CNRIP1: variants seen among roughly 807,000 people sequenced by gnomAD.
CNRIP1 encodes the protein cannabinoid receptor interacting protein 1.
Under a neutral mutation model 15.2 loss-of-function variants are expected in CNRIP1, and 10 were observed. The ratio of observed to expected loss-of-function variants is 0.66; its 90% CI spans 0.41 to 1.12. CNRIP1 has a LOEUF of 1.12. Ranked by LOEUF, CNRIP1 falls within the 50% of genes most tolerant of loss-of-function variation. CNRIP1 has a pLI of 0.00. For synonymous variants in CNRIP1, 91 were observed against 83.2 expected (o/e 1.09, Z -0.51); for missense variants, 211 against 214.7 (o/e 0.98, Z 0.11).
chr2:68,307,496 T>C (rs1049221749), intron 2 of CNRIP1, among the ~76,000 whole-genome samples: 10 of 152,276 alleles, frequency 6.6e-5, no homozygotes, highest in Middle Eastern at 3.4e-3. Flanking sequence ...TCATTTTTTA[T>C]TTTTTATTTT....
chr2:68,294,618 T>C (rs1671281301), intron 2 of CNRIP1, among the ~76,000 whole-genome samples: 1 of 152,220 alleles, frequency 6.6e-6, no homozygotes, highest in Non-Finnish European at 1.5e-5. Context: ...CTGTCTACAA[T>C]ACATCTACAT....
intron 1 of CNRIP1, among the ~76,000 whole-genome samples, chr2:68,318,889 G>A (rs1231397788): frequency 6.6e-6 from 1 of 152,220 alleles, no homozygotes; most frequent in Non-Finnish European, 1.5e-5. Context: ...GCTCCACCCC[G>A]ACCGCCTGCG....
At chr2:68,305,270 A>ATGTGTGTG (rs1367890101) in intron 2 of CNRIP1, among the ~76,000 whole-genome samples, 59 of 98,604 alleles carry the variant, frequency 6.0e-4, no homozygotes, top group African/African-American at 2.0e-3. Context: ...ATATATATAT[A>ATGTGTGTG]TATATGTGTG....
At chr2:68,290,557 GA>G (rs916840323), downstream of CNRIP1, among the ~76,000 whole-genome samples, 2 of 150,444 alleles carry the variant, frequency 1.3e-5, no homozygotes, top group South Asian at 4.2e-4. Context: ...TGTCCTCTCT[GA>G]AAAAAAAAGA....
intron 2 of CNRIP1, among the ~76,000 whole-genome samples, chr2:68,294,281 T>A (rs1211634121): frequency 6.6e-6 from 1 of 152,246 alleles, no homozygotes; most frequent in Non-Finnish European, 1.5e-5. Flanking sequence ...CCACTCGCTA[T>A]CATATTGCTT....
At chr2:68,316,990 T>C (rs1672295048) in intron 2 of CNRIP1, 167 bp downstream of exon 2, 2 of 812,852 alleles carry the variant, frequency 2.5e-6, no homozygotes, top group Non-Finnish European at 4.3e-6. Flanking sequence ...AGAGCATTAA[T>C]TAAGTAGTTC....
intron 2 of CNRIP1, among the ~76,000 whole-genome samples, chr2:68,295,347 A>G (rs1433489742): frequency 6.6e-6 from 1 of 152,172 alleles, no homozygotes; most frequent in African/African-American, 2.4e-5. Flanking sequence ...TCCTCTGGGA[A>G]ATTTGCTTGA....
chr2:68,303,065 T>A (rs531559502), intron 2 of CNRIP1, among the ~76,000 whole-genome samples: 1 of 151,186 alleles, frequency 6.6e-6, no homozygotes, highest in East Asian at 2.0e-4. Flanking sequence ...GCCAGGATGG[T>A]CTCGATCTCC....
At chr2:68,310,712 T>TA (rs34235316) in intron 2 of CNRIP1, among the ~76,000 whole-genome samples, 12,560 of 144,906 alleles carry the variant, frequency 0.087, 1,566 homozygotes, top group African/African-American at 0.28. Context: ...TGACCCATAT[T>TA]AAAAAAAAAA....
chr2:68,293,846 T>G lies in CNRIP1; in HGVS notation c.*16A>C, dbSNP rs1476786969. ...TTTCTGAAAAGATTGTCCAGTAGCATCAGAAAGAGCCACTTTCAGAGGAAG... is the reference window on the plus strand; with the variant it reads ...TTTCTGAAAAGATTGTCCAGTAGCAGCAGAAAGAGCCACTTTCAGAGGAAG... On this transcript the variant is annotated 3_prime_UTR_variant, in exon 3 of 3. Transcript: ENST00000263655. 1 of 1,611,192 alleles carries G rather than the reference T, an allele frequency of 6.2e-7. No individual in the cohort carries two copies.
chr2:68,293,312 A>G lies in CNRIP1; in HGVS notation c.*550T>C, dbSNP rs1274115928. The G allele has an allele frequency of 1.0e-6, 1 of 985,848 alleles. No individual in the cohort carries two copies. Among genetic ancestry groups the G allele is most frequent in the Non-Finnish European group, 1.2e-6 (1 of 830,300 alleles). 61.1% of individuals were successfully genotyped at this position (985,848 alleles called of 1,614,324 possible). A position where few individuals can be genotyped will look rare whatever the true frequency, so the allele number is the denominator to read the frequency against. On this transcript the variant is annotated 3_prime_UTR_variant, in exon 3 of 3. Coordinates refer to ENST00000263655, the MANE Select transcript of CNRIP1 (RefSeq NM_015463.3). ...TCTAGTTTGTTACCATCCTTCCCTG[A>G]AAGAGCGGAGCTGTTTATAGGAAGC... is the stretch of plus-strand genomic sequence containing the variant.
At chr2:68,286,027 A>C (rs557256630) in intron 2 of CNRIP1, among the ~76,000 whole-genome samples, 11 of 152,312 alleles carry the variant, frequency 7.2e-5, no homozygotes, top group African/African-American at 2.6e-4. Context: ...GGTGAGGACA[A>C]ATTCCCATTA....
chr2:68,308,234 C>A (rs11893966), intron 2 of CNRIP1, among the ~76,000 whole-genome samples: 114,335 of 151,772 alleles, frequency 0.75, 43,468 homozygotes, highest in South Asian at 0.85. Context: ...ACAAAAAAAA[C>A]CCCCGATGTC....
chr2:68,317,954 A>G (rs1265599759), intron 1 of CNRIP1, among the ~76,000 whole-genome samples: 1 of 152,198 alleles, frequency 6.6e-6, no homozygotes, highest in Non-Finnish European at 1.5e-5. Context: ...ACCAGAAAAA[A>G]TAGTTTTATT....
At chr2:68,307,247 T>A (rs1032656879) in intron 2 of CNRIP1, among the ~76,000 whole-genome samples, 3 of 152,238 alleles carry the variant, frequency 2.0e-5, no homozygotes, top group African/African-American at 7.2e-5. Context: ...GTATGTATTG[T>A]CTAACTACAT....
chr2:68,317,289 A>G lies in CNRIP1; in HGVS notation c.198T>C (p.Gly66=). The stretch of plus-strand genomic sequence containing the variant: ...ACTTCAGTTCCAGTGGGACAAGCAC[A>G]CCACCAATGGAAATATTCCTGCAAT... ...TLQVENISIG[G]VLVPLELKSK... Residue 66 remains glycine (G), a synonymous_variant, in exon 2 of 3, where the codon GGT becomes GGC. Transcript: ENST00000263655. 6.2e-7 allele frequency: 1 copy of G among 1,614,032 alleles called. No individual in the cohort carries two copies. The highest frequency in any genetic ancestry group is 8.5e-7 in the Non-Finnish European group (1 of 1,180,024).
rs72904278 is a variant in CNRIP1, at chr2:68,317,080, G to C, written c.330+77C>G. On this transcript the variant is annotated intron_variant, in intron 2 of 2. Coordinates refer to ENST00000263655, the MANE Select transcript of CNRIP1 (RefSeq NM_015463.3). Reference sequence around the variant, plus strand: ...CTCCCAACACACCTTTTCTTACAGAGAGATAGTGATTGTTTTCTTTTCTGT... The same window carrying C: ...CTCCCAACACACCTTTTCTTACAGACAGATAGTGATTGTTTTCTTTTCTGT... The C allele has an allele frequency of 7.4e-3, 11,511 of 1,551,156 alleles. 705 individuals carry two copies. The African/African-American group carries it at 0.13, about 18-fold the overall frequency.
chr2:68,319,732 C>A lies in CNRIP1; in HGVS notation c.-332G>T, dbSNP rs971899581. Reference sequence around the variant, plus strand: ...TGGCCCGCAGGCCGCCGCGCAGATCCGCGCAGCTGGGGGCGAGGGAGTTAA... The same window carrying A: ...TGGCCCGCAGGCCGCCGCGCAGATCAGCGCAGCTGGGGGCGAGGGAGTTAA... On this transcript the variant is annotated 5_prime_UTR_variant, in exon 1 of 3. Coordinates refer to ENST00000263655, the MANE Select transcript of CNRIP1 (RefSeq NM_015463.3). 1.0e-5 allele frequency: 3 copies of A among 290,878 alleles called. No individual in the cohort carries two copies. Among genetic ancestry groups the A allele is most frequent in the Non-Finnish European group, 2.0e-5 (3 of 153,786 alleles). 18.0% of individuals were successfully genotyped at this position (290,878 alleles called of 1,614,324 possible). A position where few individuals can be genotyped will look rare whatever the true frequency, so the allele number is the denominator to read the frequency against.
At chr2:68,306,878 C>A (rs894628834) in intron 2 of CNRIP1, among the ~76,000 whole-genome samples, 2 of 152,018 alleles carry the variant, frequency 1.3e-5, no homozygotes, top group Non-Finnish European at 2.9e-5. Flanking sequence ...TACAATCACA[C>A]CAAACAGGAC....
Sources: gnomAD v4.1 joint callset for allele counts (sites outside exome capture counted in the v4.1 genomes callset) on GRCh38, gnomAD v4.1.1 for gene constraint, MANE v1.5 for transcripts, NCBI Gene and HGNC (gene_info 2026-07-23, HGNC 2026-07-21) for gene names.